CGAS: variants seen among roughly 807,000 people sequenced by gnomAD.
The protein encoded by CGAS is cyclic GMP-AMP synthase, also known as 2'3'-cGAMP synthase.
Under a neutral mutation model 34.0 loss-of-function variants are expected in CGAS, and 31 were observed. The ratio of observed to expected loss-of-function variants is 0.91; its 90% CI spans 0.69 to 1.23. CGAS has a LOEUF of 1.23. CGAS is among the 50% of genes most tolerant of loss of function. The probability of loss-of-function intolerance (pLI) is 0.00; values close to 1 mark genes in which losing one functional copy is unlikely to be tolerated. For missense variants in CGAS, 597 were observed against 657.6 expected, an observed-to-expected ratio of 0.91 and a Z score of 1.01; for synonymous variants, 266 against 260.0, an observed-to-expected ratio of 1.02 and a Z score of -0.22.
chr6:73,424,990 A>T lies in CGAS; in HGVS notation c.*237T>A, dbSNP rs1770060275. The T allele has an allele frequency of 3.3e-6, 1 of 299,606 alleles. No individual in the cohort carries two copies. Among genetic ancestry groups the T allele is most frequent in the Non-Finnish European group, 6.2e-6 (1 of 161,018 alleles). 18.6% of individuals were successfully genotyped at this position (299,606 alleles called of 1,614,324 possible). ...TGTCTAAGCCTCCCGAGTAGCTGGG[A>T]TTACAGGCATGCATCACCATGCCCG... On this transcript the variant is annotated 3_prime_UTR_variant, in exon 5 of 5. Coordinates refer to ENST00000370315, the MANE Select transcript of CGAS (RefSeq NM_138441.3).
intron 2 of CGAS, among the ~76,000 whole-genome samples, chr6:73,441,618 T>C (rs1308087915): frequency 6.6e-6 from 1 of 152,100 alleles, no homozygotes; most frequent in Non-Finnish European, 1.5e-5. Context: ...CTTCATGAGA[T>C]ACAATGAGCT....
intron 1 of CGAS, among the ~76,000 whole-genome samples, chr6:73,447,704 C>T (rs1246974998): frequency 6.6e-6 from 1 of 152,160 alleles, no homozygotes; most frequent in African/African-American, 2.4e-5. Flanking sequence ...TCTCCCACCT[C>T]GGCCTCCCAA....
chr6:73,445,575 A>T lies in CGAS; in HGVS notation c.830T>A (p.Leu277Gln). ...EGEILSASKM[L>Q]SKFRKIIKEE... ...CTTAATGATTTTCCTAAACTTTGAC[A>T]GCATCTTAGAAGCTGATAATATTTC... Residue 277 changes from leucine to glutamine, a missense_variant, in exon 2 of 5, where the codon CTG becomes CAG. Physicochemically the swap from Leu to Gln is moderately radical, Grantham distance 113. This residue lies in a region of CGAS where 271 missense variants were observed against 324.1 expected (regional missense o/e 0.84). Transcript: ENST00000370315. 6.2e-7 allele frequency: 1 copy of T among 1,608,510 alleles called. No homozygotes were observed. Among genetic ancestry groups the T allele is most frequent in the Non-Finnish European group, 8.5e-7 (1 of 1,178,622 alleles).
intron 2 of CGAS, among the ~76,000 whole-genome samples, chr6:73,444,772 G>A (rs1267627233): frequency 3.3e-5 from 5 of 152,188 alleles, no homozygotes; most frequent in African/African-American, 1.2e-4. Context: ...GTAAAAGATG[G>A]TGGCAGCTTA....
intron 3 of CGAS, among the ~76,000 whole-genome samples, chr6:73,432,364 T>C (rs982922153): frequency 6.6e-6 from 1 of 152,064 alleles, no homozygotes; most frequent in Non-Finnish European, 1.5e-5. Flanking sequence ...TTTCACCATG[T>C]TGGCCAGGCT....
In CGAS at chr6:73,424,681, A is replaced by G. The variant is rs1240899853; in HGVS notation, c.*546T>C. 1 of 152,172 alleles carries G rather than the reference A, an allele frequency of 6.6e-6. No individual in the cohort carries two copies. Among genetic ancestry groups the G allele is most frequent in the East Asian group, 1.9e-4 (1 of 5,198 alleles). The allele number at this position is 152,172 out of a possible 1,614,324, so 9.4% of individuals were successfully genotyped here. A position where few individuals can be genotyped will look rare whatever the true frequency, so the allele number is the denominator to read the frequency against. On this transcript the variant is annotated 3_prime_UTR_variant, in exon 5 of 5. Coordinates refer to ENST00000370315, the MANE Select transcript of CGAS (RefSeq NM_138441.3). Reference sequence around the variant, plus strand: ...TTTCCTAGGATAGTCAATCCTTTATACTGATTAGAGTTTATTACAACAAAC... The same window carrying G: ...TTTCCTAGGATAGTCAATCCTTTATGCTGATTAGAGTTTATTACAACAAAC...
intron 2 of CGAS, among the ~76,000 whole-genome samples, chr6:73,443,519 T>A (rs1770418619): frequency 6.6e-6 from 1 of 152,142 alleles, no homozygotes; most frequent in Non-Finnish European, 1.5e-5. Flanking sequence ...ATTACAGGCG[T>A]GAGCCACGGC....
Position 73,440,281 on chromosome 6 carries a change from CTT to C in CGAS, c.1040_1041del (p.Lys347SerfsTer2). 1 of 1,614,180 alleles carries C rather than the reference CTT, an allele frequency of 6.2e-7. No homozygotes were observed. Reference sequence around the variant, plus strand: ...GGCTTTAGTCGTAGTTGCTTCCTAACTTTTGCTGAAAGCCAGTTTTGAATGCG... The same window carrying C: ...GGCTTTAGTCGTAGTTGCTTCCTAACTTGCTGAAAGCCAGTTTTGAATGCG... ...GLRIQNWLSA[K>X]VRKQLRLKPF... On this transcript the variant is annotated frameshift_variant, in exon 3 of 5. Coordinates refer to ENST00000370315, the MANE Select transcript of CGAS (RefSeq NM_138441.3). LOFTEE classifies it high-confidence loss of function.
chr6:73,448,602 T>G (rs553549939), intron 1 of CGAS, among the ~76,000 whole-genome samples: 2 of 152,242 alleles, frequency 1.3e-5, no homozygotes, highest in East Asian at 3.9e-4. Context: ...ACCTAGAATT[T>G]GTAGTCCCAG....
intron 2 of CGAS, among the ~76,000 whole-genome samples, chr6:73,444,803 C>T (rs1460659117): frequency 1.3e-5 from 2 of 151,994 alleles, no homozygotes; most frequent in East Asian, 1.9e-4. Flanking sequence ...GAGTAGGGTG[C>T]TGGGATTGAA....
At chr6:73,440,992 G>A (rs998905282) in intron 2 of CGAS, among the ~76,000 whole-genome samples, 1 of 152,010 alleles carries the variant, frequency 6.6e-6, no homozygotes, top group African/African-American at 2.4e-5. Flanking sequence ...GGGCATATAT[G>A]ATGAAGGGGT....
At chr6:73,446,853 C>A (rs539465801) in intron 1 of CGAS, among the ~76,000 whole-genome samples, 1 of 151,746 alleles carries the variant, frequency 6.6e-6, no homozygotes, top group South Asian at 2.1e-4. Context: ...GTCAAGAGAT[C>A]AAGGCCATCC....
chr6:73,428,672 A>G, intron 4 of CGAS, 37 bp downstream of exon 4: 1 of 1,578,126 alleles, frequency 6.3e-7, no homozygotes, highest in Non-Finnish European at 8.7e-7. Context: ...TAAGCATACC[A>G]TAGATAATCT....
Position 73,425,511 on chromosome 6 carries a change from G to GT in CGAS, c.1284dup (p.His429ThrfsTer4). ...TGATAAGAAGAGAATTTATCCAGAT[G>GT]TTTTTTGTCTTTAAACCTTTCTTTC... On this transcript the variant is annotated frameshift_variant, in exon 5 of 5. Transcript: ENST00000370315. LOFTEE classifies it low-confidence loss of function (END_TRUNC). 2 of 1,612,888 alleles carry GT rather than the reference G, an allele frequency of 1.2e-6. No individual in the cohort carries two copies. The highest frequency in any genetic ancestry group is 1.7e-6 in the Non-Finnish European group (2 of 1,179,614).
intron 3 of CGAS, among the ~76,000 whole-genome samples, chr6:73,430,279 G>A (rs1770172317): frequency 6.6e-6 from 1 of 152,048 alleles, no homozygotes; most frequent in African/African-American, 2.4e-5. Flanking sequence ...CACTGGAAAG[G>A]GAGAAACAAA....
At chr6:73,443,005 C>T (rs1215999751) in intron 2 of CGAS, among the ~76,000 whole-genome samples, 1 of 151,970 alleles carries the variant, frequency 6.6e-6, no homozygotes, top group East Asian at 1.9e-4. Flanking sequence ...GCTGAGACAC[C>T]ACAGTTAGCC....
intron 2 of CGAS, 101 bp from the exon 3 acceptor site, chr6:73,440,546 TA>T (rs1410287261): frequency 2.8e-6 from 3 of 1,059,880 alleles, no homozygotes; most frequent in Non-Finnish European, 4.1e-6. Context: ...TCTGGTGTGC[TA>T]AGTATGAAGT....
Position 73,451,910 on chromosome 6 carries a change from G to C in CGAS, c.272C>G (p.Thr91Arg), listed in dbSNP as rs1770576490. ...AKKAPQRAQDTQPSDATSAPG... is the reference protein window; with the variant it reads ...AKKAPQRAQDRQPSDATSAPG... ...GGCGCTGGTGGCGTCAGACGGCTGC[G>C]TGTCCTGGGCGCGCTGAGGGGCCTT... The change falls in exon 1 of 5, where the codon ACG becomes AGG. Residue 91 changes from threonine (T) to arginine (R), a missense_variant. This residue lies in a region of CGAS where 321 missense variants were observed against 314.3 expected (regional missense o/e 1.02). Transcript: ENST00000370315. 6.6e-7 allele frequency: 1 copy of C among 1,522,742 alleles called. No individual in the cohort carries two copies. The highest frequency in any genetic ancestry group is 8.8e-7 in the Non-Finnish European group (1 of 1,131,502). 94.3% of individuals were successfully genotyped at this position (1,522,742 alleles called of 1,614,324 possible).
chr6:73,425,078 T>C lies in CGAS; in HGVS notation c.*149A>G. Reference sequence around the variant, plus strand: ...CATGTTGGTCAGGCTGGTCTCAAACTCCTGACCTCAAGTGATCCGCCTGCC... The same window carrying C: ...CATGTTGGTCAGGCTGGTCTCAAACCCCTGACCTCAAGTGATCCGCCTGCC... On this transcript the variant is annotated 3_prime_UTR_variant, in exon 5 of 5. Transcript: ENST00000370315. 1.8e-6 allele frequency: 1 copy of C among 543,398 alleles called. No individual in the cohort carries two copies. Among genetic ancestry groups the C allele is most frequent in the Non-Finnish European group, 3.2e-6 (1 of 317,280 alleles). The allele number at this position is 543,398 out of a possible 1,614,324, so 33.7% of individuals were successfully genotyped here. A position where few individuals can be genotyped will look rare whatever the true frequency, so the allele number is the denominator to read the frequency against.
Sources: gnomAD v4.1 joint callset for allele counts (sites outside exome capture counted in the v4.1 genomes callset) on GRCh38, gnomAD v4.1.1 for gene constraint, gnomAD v4.1.1 regional missense constraint, MANE v1.5 for transcripts, NCBI Gene and HGNC (gene_info 2026-07-23, HGNC 2026-07-21) for gene names.